NTM: variants seen among roughly 807,000 people sequenced by gnomAD.
The protein encoded by NTM is neurotrimin.
A neutral mutation model predicts 42.1 loss-of-function variants in NTM; 13 were observed. That is an observed-to-expected ratio of 0.31 (90% confidence interval 0.20 to 0.49). The LOEUF (loss-of-function observed/expected upper bound fraction) is 0.49. Ranked by LOEUF, NTM falls within the 20% of genes least tolerant of loss-of-function variation. The pLI is 0.99. For missense variants in NTM, 373 were observed against 452.8 expected (o/e 0.82, Z 1.60); for synonymous variants, 187 against 179.2 (o/e 1.04, Z -0.35).
chr11:132,057,443 G>C (rs1313603199), intron 2 of NTM, among the ~76,000 whole-genome samples: 1 of 152,182 alleles, frequency 6.6e-6, no homozygotes, highest in Non-Finnish European at 1.5e-5. Context: ...AAGAATTGTA[G>C]TAATGTCCTT....
In NTM at chr11:131,569,310, A is replaced by C. The variant is rs780608349; in HGVS notation, c.82+198422A>C. ...CAGGTGTCCACCACTATGCCTGGCTAATTTTTGTATGTTTTAGTAGAGACA... is the reference window on the plus strand; with the variant it reads ...CAGGTGTCCACCACTATGCCTGGCTCATTTTTGTATGTTTTAGTAGAGACA... On this transcript the variant is annotated intron_variant, in intron 1 of 8. Coordinates refer to ENST00000683400, the MANE Select transcript of NTM (RefSeq NM_001352005.2). Among the ~76,000 whole-genome samples the C allele has an allele frequency of 1.2e-3, 178 of 151,894 alleles. 1 individual carries two copies. The highest frequency in any genetic ancestry group is 2.2e-3 in the Non-Finnish European group (147 of 67,930).
In NTM at chr11:131,944,089, C is replaced by T. The variant is rs564236867; in HGVS notation, c.167+32441C>T. ...TTCTTTTCTGTGAGAGCTTAGAAAACGGCTAGTAATTTGAAGACAACCTAT... is the reference window on the plus strand; with the variant it reads ...TTCTTTTCTGTGAGAGCTTAGAAAATGGCTAGTAATTTGAAGACAACCTAT... On this transcript the variant is annotated intron_variant, in intron 2 of 8. Coordinates refer to ENST00000683400, the MANE Select transcript of NTM (RefSeq NM_001352005.2). Among the ~76,000 whole-genome samples the T allele has an allele frequency of 9.9e-4, 150 of 152,000 alleles. No individual in the cohort carries two copies. The Middle Eastern group carries it at 0.014, about 14-fold the overall frequency.
intron 1 of NTM, among the ~76,000 whole-genome samples, chr11:131,875,074 T>C (rs2048349459): frequency 6.6e-6 from 1 of 152,204 alleles, no homozygotes; most frequent in African/African-American, 2.4e-5. Flanking sequence ...TCCTGGATTC[T>C]CCACTTGTTC....
chr11:131,671,709 G>T, intron 1 of NTM: 2 of 648,896 alleles, frequency 3.1e-6, no homozygotes, highest in Middle Eastern at 7.9e-4. Context: ...ACTGGAGAGT[G>T]ACAAAGCGCC....
chr11:131,954,953 G>A (rs1030169290), intron 2 of NTM, among the ~76,000 whole-genome samples: 1 of 152,242 alleles, frequency 6.6e-6, no homozygotes, highest in African/African-American at 2.4e-5. Flanking sequence ...AAGTAGTAAT[G>A]CTCAGTGGTG....
intron 1 of NTM, among the ~76,000 whole-genome samples, chr11:131,800,103 C>A (rs182855283): frequency 2.6e-5 from 4 of 152,120 alleles, no homozygotes; most frequent in African/African-American, 7.2e-5. Context: ...GCCAAGCCAG[C>A]GGAATGGGTG....
intron 1 of NTM, among the ~76,000 whole-genome samples, chr11:131,649,806 G>T: frequency 6.6e-6 from 1 of 152,088 alleles, no homozygotes; most frequent in East Asian, 1.9e-4. Flanking sequence ...CTTAACTTTT[G>T]GGGTGAACAC....
chr11:132,146,165 G>T lies in NTM; in HGVS notation c.168-117G>T, dbSNP rs2070366677. 6.9e-7 allele frequency: 1 copy of T among 1,444,058 alleles called. No homozygotes were observed. The highest frequency in any genetic ancestry group is 9.3e-7 in the Non-Finnish European group (1 of 1,077,486). The allele number at this position is 1,444,058 out of a possible 1,614,324, so 89.5% of individuals were successfully genotyped here. ...CCACCCCTGACAAATCAAAGGAAAT[G>T]TATGTGTTGGGGGAAGGGAGAAAGA... is the stretch of plus-strand genomic sequence containing the variant. On this transcript the variant is annotated intron_variant, in intron 2 of 8. Transcript: ENST00000683400. The surrounding 1 kb of genome is among the most constrained non-coding windows in gnomAD (Gnocchi z 4.5).
intron 3 of NTM, among the ~76,000 whole-genome samples, chr11:132,151,085 A>G (rs757752772): frequency 3.4e-4 from 52 of 152,216 alleles, no homozygotes; most frequent in Admixed American, 1.0e-3. Context: ...CCTAATAAAC[A>G]TAATTAATAA....
At chr11:131,996,472 G>C (rs1269811463) in intron 2 of NTM, among the ~76,000 whole-genome samples, 1 of 152,098 alleles carries the variant, frequency 6.6e-6, no homozygotes, top group East Asian at 1.9e-4. Flanking sequence ...TGAAATTTCA[G>C]CTCTTCTCTG....
At chr11:131,373,818 C>G (rs1941557489) in intron 1 of NTM, among the ~76,000 whole-genome samples, 2 of 152,200 alleles carry the variant, frequency 1.3e-5, no homozygotes, top group African/African-American at 2.4e-5. Flanking sequence ...ATTTCCTCAC[C>G]TCTCCTCACA....
chr11:131,432,839 C>CTTTTTTTTTTTTTTTTGTTTT (rs1948772407), intron 1 of NTM, among the ~76,000 whole-genome samples: 1 of 68,694 alleles, frequency 1.5e-5, no homozygotes, highest in African/African-American at 6.2e-5. Context: ...ATTTAGCATT[C>CTTTTTTTTTTTTTTTTGTTTT]TTTTTTTTTT....
chr11:131,600,189 T>C (rs1462402582), intron 1 of NTM, among the ~76,000 whole-genome samples: 2 of 152,168 alleles, frequency 1.3e-5, no homozygotes, highest in Non-Finnish European at 2.9e-5. Flanking sequence ...GTGAGGGTTG[T>C]AGGGAGACAC....
chr11:132,190,395 G>T (rs970634001), intron 3 of NTM, among the ~76,000 whole-genome samples: 7 of 152,102 alleles, frequency 4.6e-5, no homozygotes, highest in Non-Finnish European at 1.0e-4. Context: ...CATTTCAGGA[G>T]AGGAAAGAAA....
intron 3 of NTM, among the ~76,000 whole-genome samples, chr11:132,187,214 CGTGTGTGTGTGTGTGTGTGTGT>C (rs55849086): frequency 6.7e-6 from 1 of 148,348 alleles, no homozygotes; most frequent in East Asian, 2.0e-4. Flanking sequence ...GCTCAGATGG[CGTGTGTGTGTGTGTGTGTGTGT>C]GTGTGTGTGT....
At chr11:131,481,159 T>C (rs1316268076) in intron 1 of NTM, among the ~76,000 whole-genome samples, 5 of 152,174 alleles carry the variant, frequency 3.3e-5, no homozygotes, top group African/African-American at 9.7e-5. Context: ...TTTCCTTAGA[T>C]GAGTGGGAGA....
At chr11:132,045,548 C>T (rs2077865490) in intron 2 of NTM, among the ~76,000 whole-genome samples, 1 of 152,108 alleles carries the variant, frequency 6.6e-6, no homozygotes, top group African/African-American at 2.4e-5. Flanking sequence ...ATTTTTCAGA[C>T]ACAATATGAA....
At chr11:132,071,130 A>T (rs1371220972) in intron 2 of NTM, among the ~76,000 whole-genome samples, 1 of 143,046 alleles carries the variant, frequency 7.0e-6, no homozygotes, top group Non-Finnish European at 1.6e-5. Flanking sequence ...AGGTTAGTTA[A>T]CACGTCACAC....
intron 3 of NTM, among the ~76,000 whole-genome samples, chr11:132,189,864 G>T (rs528874876): frequency 5.9e-5 from 9 of 152,110 alleles, no homozygotes; most frequent in Non-Finnish European, 1.3e-4. Context: ...CCTACTATTC[G>T]CAAGAAACAC....
Sources: allele counts gnomAD v4.1 joint callset (sites outside exome capture counted in the v4.1 genomes callset), GRCh38; gene constraint gnomAD v4.1.1; non-coding constraint Gnocchi (gnomAD v3.1); transcripts MANE v1.5; gene names NCBI Gene and HGNC (gene_info 2026-07-23, HGNC 2026-07-21).